INTU: variants seen among roughly 807,000 people sequenced by gnomAD.
INTU encodes the protein protein inturned.
In INTU, 68 loss-of-function variants were observed where a neutral mutation model predicts 100.5. The observed-to-expected ratio is 0.68, with a 90% confidence interval of 0.56 to 0.83. INTU has a LOEUF of 0.83. Ranked by LOEUF, INTU falls within the 40% of genes least tolerant of loss-of-function variation. INTU has a pLI of 0.00. For missense variants in INTU, 1,071 were observed against 1,114.7 expected (o/e 0.96, Z 0.56); for synonymous variants, 357 against 395.7 (o/e 0.90, Z 1.16).
rs886777651 is a variant in INTU, at chr4:127,725,844, G to C, written c.*9408G>C. 1 of 152,050 alleles carries C rather than the reference G, an allele frequency of 6.6e-6. No individual in the cohort carries two copies. Among genetic ancestry groups the C allele is most frequent in the African/African-American group, 2.4e-5 (1 of 41,390 alleles). 9.4% of individuals were successfully genotyped at this position (152,050 alleles called of 1,614,324 possible). On this transcript the variant is annotated 3_prime_UTR_variant, in exon 16 of 16. Transcript: ENST00000335251. ...GAACTAAGCTCTGAAGGCAAACTTAGCTGCCTATTTTTCCAAATATGTTCA... is the reference window on the plus strand; with the variant it reads ...GAACTAAGCTCTGAAGGCAAACTTACCTGCCTATTTTTCCAAATATGTTCA...
chr4:127,687,880 AT>A lies in INTU; in HGVS notation c.1449+15del. 6.5e-7 allele frequency: 1 copy of A among 1,538,516 alleles called. No individual in the cohort carries two copies. The highest frequency in any genetic ancestry group is 8.8e-7 in the Non-Finnish European group (1 of 1,130,368). On this transcript the variant is annotated intron_variant, in intron 8 of 15. Coordinates refer to ENST00000335251, the MANE Select transcript of INTU (RefSeq NM_015693.4). ...ACTGGAAATCAAGGTAATCTTAGGT[AT>A]TATAAAGCAGAAGCAGAACCAGGTG...
chr4:127,694,810 A>G (rs1285144219), intron 8 of INTU, among the ~76,000 whole-genome samples: 2 of 152,200 alleles, frequency 1.3e-5, no homozygotes, highest in Non-Finnish European at 2.9e-5. Context: ...GTCAAAGATC[A>G]GTTGACAGTA....
At chr4:127,707,055 G>T in intron 12 of INTU, 86 bp downstream of exon 12, 3 of 1,406,648 alleles carry the variant, frequency 2.1e-6, no homozygotes, top group Non-Finnish European at 2.9e-6. Flanking sequence ...TTTTTTTAGT[G>T]GCATACCATT....
chr4:127,646,669 G>C (rs1156835701), intron 2 of INTU, among the ~76,000 whole-genome samples: 6 of 152,134 alleles, frequency 3.9e-5, no homozygotes, highest in South Asian at 2.1e-4. Flanking sequence ...AGACAGGAAA[G>C]GCAGGATAAA....
chr4:127,687,000 G>T (rs1336088336), intron 7 of INTU: 4 of 152,140 alleles, frequency 2.6e-5, no homozygotes, highest in Admixed American at 1.3e-4. Flanking sequence ...AAGTATTTCG[G>T]TTTTTTCTGT....
intron 1 of INTU, among the ~76,000 whole-genome samples, chr4:127,636,016 C>A (rs1457860816): frequency 6.6e-6 from 1 of 152,110 alleles, no homozygotes; most frequent in Non-Finnish European, 1.5e-5. Context: ...TACCTGTAAT[C>A]CTGCTTTTGG....
intron 6 of INTU, among the ~76,000 whole-genome samples, chr4:127,680,078 A>C (rs985303043): frequency 1.3e-5 from 2 of 152,170 alleles, no homozygotes; most frequent in Non-Finnish European, 1.5e-5. Context: ...TCTGAATAGA[A>C]CAATAACAGA....
chr4:127,686,687 T>A (rs1729842324), intron 7 of INTU: 1 of 152,238 alleles, frequency 6.6e-6, no homozygotes, highest in South Asian at 2.1e-4. Flanking sequence ...TATTGTGCTA[T>A]TTTCTGCATA....
chr4:127,634,417 T>C (rs1254771767), intron 1 of INTU, among the ~76,000 whole-genome samples: 1 of 152,166 alleles, frequency 6.6e-6, no homozygotes, highest in African/African-American at 2.4e-5. Context: ...GATTCATGTA[T>C]AGTTGCACAG....
intron 5 of INTU, among the ~76,000 whole-genome samples, chr4:127,670,456 T>C (rs1359044487): frequency 1.3e-5 from 2 of 152,014 alleles, no homozygotes; most frequent in Non-Finnish European, 2.9e-5. Flanking sequence ...AACTGTTAGT[T>C]TATTTTCAAT....
chr4:127,682,399 A>G (rs1182207825), intron 6 of INTU, among the ~76,000 whole-genome samples: 2 of 152,156 alleles, frequency 1.3e-5, no homozygotes, highest in African/African-American at 2.4e-5. Context: ...TGTGGCATAT[A>G]TATACCATGG....
At position 127,706,429 on chromosome 4, in the gene INTU, T is replaced by C. The variant is rs563001695; in HGVS notation, c.1789-58T>C. The C allele has an allele frequency of 5.0e-5, 72 of 1,434,202 alleles. No homozygotes were observed. In the African/African-American group the frequency reaches 9.5e-4, roughly 19 times the overall value. The allele number at this position is 1,434,202 out of a possible 1,614,324, so 88.8% of individuals were successfully genotyped here. On this transcript the variant is annotated intron_variant, in intron 11 of 15. Coordinates refer to ENST00000335251, the MANE Select transcript of INTU (RefSeq NM_015693.4). Reference sequence around the variant, plus strand: ...ATATTTATAAGTTTATACATGCACATTTTATGTAAATATTTTCATGGTAGC... The same window carrying C: ...ATATTTATAAGTTTATACATGCACACTTTATGTAAATATTTTCATGGTAGC...
chr4:127,679,968 A>G (rs1040410035), intron 6 of INTU, among the ~76,000 whole-genome samples: 4 of 152,254 alleles, frequency 2.6e-5, no homozygotes, highest in South Asian at 4.1e-4. Flanking sequence ...AGAGAATACT[A>G]CAAACACCTC....
chr4:127,685,983 T>C (rs933103947), intron 7 of INTU: 2 of 152,216 alleles, frequency 1.3e-5, no homozygotes, highest in African/African-American at 4.8e-5. Context: ...TGAAGATCCA[T>C]TGAGTTCTTA....
In INTU at chr4:127,726,588, T is replaced by A. The variant is rs1731418941; in HGVS notation, c.*10152T>A. The A allele has an allele frequency of 6.6e-6, 1 of 152,264 alleles. No homozygotes were observed. 9.4% of individuals were successfully genotyped at this position (152,264 alleles called of 1,614,324 possible). On this transcript the variant is annotated 3_prime_UTR_variant, in exon 16 of 16. Coordinates refer to ENST00000335251, the MANE Select transcript of INTU (RefSeq NM_015693.4). ...CAAGAATTTATACTTTGGATATTTTTAAATTGTTAAATGTTATTGAAACTT... is the reference window on the plus strand; with the variant it reads ...CAAGAATTTATACTTTGGATATTTTAAAATTGTTAAATGTTATTGAAACTT...
At chr4:127,657,785 G>C (rs115937372) in intron 3 of INTU, among the ~76,000 whole-genome samples, 4 of 151,380 alleles carry the variant, frequency 2.6e-5, no homozygotes, top group African/African-American at 4.9e-5. Context: ...ACAGATTCAG[G>C]GTTCCCACTG....
intron 12 of INTU, among the ~76,000 whole-genome samples, chr4:127,707,935 G>A (rs1056914134): frequency 2.0e-5 from 3 of 152,162 alleles, no homozygotes; most frequent in Admixed American, 2.0e-4. Flanking sequence ...AGGAGTCTGA[G>A]AAGGAGCACA....
intron 1 of INTU, among the ~76,000 whole-genome samples, chr4:127,641,405 G>C (rs1218044797): frequency 6.6e-6 from 1 of 152,158 alleles, no homozygotes; most frequent in Non-Finnish European, 1.5e-5. Context: ...GCCAGTGGTT[G>C]TCCGTCTAGG....
At chr4:127,666,614 A>G (rs975774026) in intron 4 of INTU, among the ~76,000 whole-genome samples, 15 of 152,022 alleles carry the variant, frequency 9.9e-5, no homozygotes, top group African/African-American at 2.9e-4. Context: ...CCACCACTCA[A>G]CACTCCCAGC....
Sources: gnomAD v4.1 joint callset for allele counts (sites outside exome capture counted in the v4.1 genomes callset) on GRCh38, gnomAD v4.1.1 for gene constraint, MANE v1.5 for transcripts, NCBI Gene and HGNC (gene_info 2026-07-23, HGNC 2026-07-21) for gene names.